NABP1: variants seen among roughly 807,000 people sequenced by gnomAD.
NABP1 encodes nucleic acid binding protein 1.
In NABP1, 18 loss-of-function variants were observed where a neutral mutation model predicts 25.0. The observed-to-expected ratio is 0.72, with a 90% CI of 0.50 to 1.07. The LOEUF (loss-of-function observed/expected upper bound fraction) is 1.07. Ranked by LOEUF, NABP1 falls within the 50% of genes least tolerant of loss-of-function variation. The pLI, the probability that NABP1 is intolerant of heterozygous loss-of-function variation, is 0.00. For synonymous variants in NABP1, 71 were observed against 85.0 expected (o/e 0.84, Z 0.91); for missense variants, 270 against 255.6 (o/e 1.06, Z -0.39).
intron 2 of NABP1, among the ~76,000 whole-genome samples, chr2:191,681,514 A>T (rs987581505): frequency 6.6e-6 from 1 of 152,146 alleles, no homozygotes; most frequent in Non-Finnish European, 1.5e-5. Context: ...TGTGTCTTTT[A>T]TGGAGGCAGA....
At chr2:191,682,181 C>A in intron 3 of NABP1, 164 bp downstream of exon 3, 1 of 462,886 alleles carries the variant, frequency 2.2e-6, no homozygotes, top group Non-Finnish European at 3.9e-6. Context: ...AAATTTAACA[C>A]TTGTCAGTAC....
intron 1 of NABP1, 128 bp downstream of exon 1, chr2:191,678,833 T>C (rs1687582581): frequency 2.4e-6 from 3 of 1,237,344 alleles, no homozygotes; most frequent in Admixed American, 4.2e-5. Context: ...GTGGCTCTAG[T>C]GGCCTCCGCC....
chr2:191,684,631 A>G (rs1360770617), intron 5 of NABP1, among the ~76,000 whole-genome samples: 1 of 152,134 alleles, frequency 6.6e-6, no homozygotes, highest in Non-Finnish European at 1.5e-5. Context: ...CTTTAGAGTC[A>G]TAGTTCACCT....
At chr2:191,682,722 T>C (rs1257345410) in intron 3 of NABP1, 3 of 209,440 alleles carry the variant, frequency 1.4e-5, no homozygotes, top group Non-Finnish European at 3.1e-5. Context: ...GCCTGTCAAA[T>C]TGGAAGATAT....
intron 2 of NABP1, among the ~76,000 whole-genome samples, chr2:191,679,670 C>T (rs1248117926): frequency 6.6e-6 from 1 of 152,224 alleles, no homozygotes; most frequent in African/African-American, 2.4e-5. Flanking sequence ...AGCCACCACG[C>T]CCGGCATAGA....
At chr2:191,678,816 C>A (rs1319142473) in intron 1 of NABP1, 111 bp downstream of exon 1, 11 of 1,230,520 alleles carry the variant, frequency 8.9e-6, no homozygotes, top group South Asian at 1.4e-5. Flanking sequence ...TCCCCTCCCC[C>A]ACCCACGTGG....
intron 2 of NABP1, among the ~76,000 whole-genome samples, chr2:191,681,323 T>G (rs1415831814): frequency 6.6e-6 from 1 of 152,196 alleles, no homozygotes; most frequent in Non-Finnish European, 1.5e-5. Flanking sequence ...GATTATTTTA[T>G]GTAGTGATGC....
At chr2:191,678,875 T>G (rs527322869) in intron 1 of NABP1, 115 bp from the exon 2 acceptor site, 164 of 1,345,882 alleles carry the variant, frequency 1.2e-4, no homozygotes, top group Admixed American at 1.1e-3. Flanking sequence ...GCGGGAGCCC[T>G]GGGCTTGGTC....
At position 191,686,253 on chromosome 2, in the gene NABP1, C is replaced by T. The variant is rs1259364035; in HGVS notation, c.*485C>T. Reference sequence around the variant, plus strand: ...TTGTGGCTCTCGGAATGATTGACTTCGTTCAGTGACTACTATTAAGATTTT... The same window carrying T: ...TTGTGGCTCTCGGAATGATTGACTTTGTTCAGTGACTACTATTAAGATTTT... On this transcript the variant is annotated 3_prime_UTR_variant, in exon 6 of 6. Coordinates refer to ENST00000425611, the MANE Select transcript of NABP1 (RefSeq NM_001031716.5). 6.6e-6 allele frequency: 1 copy of T among 152,338 alleles called. No homozygotes were observed. Among genetic ancestry groups the T allele is most frequent in the East Asian group, 1.9e-4 (1 of 5,190 alleles). The allele number at this position is 152,338 out of a possible 1,614,324, so 9.4% of individuals were successfully genotyped here.
rs759416351 is a variant in NABP1 at position 191,685,814 on chromosome 2, T to A, written c.*46T>A. The A allele has an allele frequency of 6.4e-7, 1 of 1,556,634 alleles. No individual in the cohort carries two copies. Among genetic ancestry groups the A allele is most frequent in the Non-Finnish European group, 8.8e-7 (1 of 1,133,952 alleles). The stretch of plus-strand genomic sequence containing the variant: ...GTAGTTTTTATACTACATGCCCTAC[T>A]TGAACACTTATTGCACTTTTATTTA... On this transcript the variant is annotated 3_prime_UTR_variant, in exon 6 of 6. Coordinates refer to ENST00000425611, the MANE Select transcript of NABP1 (RefSeq NM_001031716.5).
At position 191,678,189 on chromosome 2, in the gene NABP1, CT is replaced by C. The variant is rs1687549523; in HGVS notation, c.-425del. ...GTGTTCTGTCTCCGCTCCCGTTTCG[CT>C]GTCACAGCCCGTTCCTTCCCGGAGC... On this transcript the variant is annotated 5_prime_UTR_variant, in exon 1 of 6. Coordinates refer to ENST00000425611, the MANE Select transcript of NABP1 (RefSeq NM_001031716.5). The C allele has an allele frequency of 6.5e-6, 1 of 153,766 alleles. No homozygotes were observed. The allele number at this position is 153,766 out of a possible 1,614,324, so 9.5% of individuals were successfully genotyped here.
rs4390719 is a variant in NABP1, at chr2:191,678,995, G to T, written c.97G>T (p.Val33Leu). ...VVFIVLEIGRVTKTKDGHEVR... is the reference protein window; with the variant it reads ...VVFIVLEIGRLTKTKDGHEVR... The stretch of plus-strand genomic sequence containing the variant: ...TGATTTTTAAATCCTCACAGGACGC[G>T]TGACCAAAACCAAAGACGGCCATGA... The change falls in exon 2 of 6, where the codon GTG (valine) becomes TTG (leucine). Residue 33 changes from valine (V) to leucine (L), a missense_variant. Physicochemically the swap from Val to Leu is conservative, Grantham distance 32. Transcript: ENST00000425611. 1 of 1,614,220 alleles carries T rather than the reference G, an allele frequency of 6.2e-7. No individual in the cohort carries two copies. Among genetic ancestry groups the T allele is most frequent in the Non-Finnish European group, 8.5e-7 (1 of 1,180,030 alleles).
chr2:191,683,254 G>T lies in NABP1; in HGVS notation c.303-475G>T, dbSNP rs1574138022. The T allele has an allele frequency of 5.8e-6, 1 of 173,552 alleles. No individual in the cohort carries two copies. The highest frequency in any genetic ancestry group is 5.7e-5 in the Admixed American group (1 of 17,400). 10.8% of individuals were successfully genotyped at this position (173,552 alleles called of 1,614,324 possible). A position where few individuals can be genotyped will look rare whatever the true frequency, so the allele number is the denominator to read the frequency against. On this transcript the variant is annotated intron_variant, in intron 3 of 5. Transcript: ENST00000425611. The surrounding 1 kb of genome is among the most constrained non-coding windows in gnomAD (Gnocchi z 4.1). ...GCCTGTTGTTATTATTTATTGCCTA[G>T]AAACCACTCTTAACCCTAAATGATT... is the stretch of plus-strand genomic sequence containing the variant.
intron 5 of NABP1, among the ~76,000 whole-genome samples, chr2:191,685,395 C>T (rs1687788688): frequency 1.3e-5 from 2 of 151,644 alleles, no homozygotes; most frequent in Non-Finnish European, 2.9e-5. Context: ...GCTTTTTTCT[C>T]TCTATTAATA....
chr2:191,679,225 C>A, intron 2 of NABP1, 97 bp downstream of exon 2: 1 of 1,447,840 alleles, frequency 6.9e-7, no homozygotes, highest in Non-Finnish European at 9.5e-7. Context: ...CCCGCCTTTT[C>A]TGTGGGCCAC....
At chr2:191,679,156 T>C (rs777040938) in intron 2 of NABP1, 28 bp downstream of exon 2, 1 of 1,613,598 alleles carries the variant, frequency 6.2e-7, no homozygotes, top group Non-Finnish European at 8.5e-7. Flanking sequence ...TCGGGGGACC[T>C]AACAGTCTGC....
At chr2:191,684,148 A>T in intron 4 of NABP1, 82 bp from the exon 5 acceptor site, 1 of 936,434 alleles carries the variant, frequency 1.1e-6, no homozygotes, top group Non-Finnish European at 1.6e-6. Flanking sequence ...CCAAAACTTT[A>T]AAAAAGAAAG....
chr2:191,681,879 A>G, intron 2 of NABP1, 67 bp from the exon 3 acceptor site: 1 of 1,091,328 alleles, frequency 9.2e-7, no homozygotes, highest in Non-Finnish European at 1.3e-6. Flanking sequence ...TAGTGTGAAG[A>G]TTTACTTGAT....
intron 5 of NABP1, 80 bp downstream of exon 5, chr2:191,684,376 G>A (rs1300669636): frequency 2.1e-6 from 2 of 957,626 alleles, no homozygotes; most frequent in East Asian, 2.9e-5. Flanking sequence ...GAAAAGCAAC[G>A]TCTTTAGGCA....
Sources: gnomAD v4.1 joint callset for allele counts (sites outside exome capture counted in the v4.1 genomes callset) on GRCh38, gnomAD v4.1.1 for gene constraint, Gnocchi (gnomAD v3.1) non-coding constraint, MANE v1.5 for transcripts, NCBI Gene and HGNC (gene_info 2026-07-23, HGNC 2026-07-21) for gene names.